The following RBFOX1 variants were observed in gnomAD, a reference collection of about 807,000 sequenced individuals.
The protein encoded by RBFOX1 is RNA binding protein fox-1 homolog 1.
In RBFOX1, 8 loss-of-function variants were observed where a neutral mutation model predicts 57.7. The observed-to-expected ratio is 0.14, with a 90% CI of 0.08 to 0.25. RBFOX1 has a LOEUF of 0.25. RBFOX1 is among the 10% of genes least tolerant of loss of function. RBFOX1 has a pLI of 1.00. For missense variants in RBFOX1, 611 were observed against 548.5 expected (o/e 1.11, Z -1.14); for synonymous variants, 326 against 222.4 (o/e 1.47, Z -4.15).
chr16:7,153,727 C>G (rs201272546), intron 4 of RBFOX1, among the ~76,000 whole-genome samples: 1 of 128,788 alleles, frequency 7.8e-6, no homozygotes, highest in African/African-American at 3.0e-5. Context: ...GACAGTGTCT[C>G]AAAAAAAAAA....
In RBFOX1 at chr16:5,894,822, C is replaced by A. The variant is rs188144579; in HGVS notation, c.351+27487C>A. Among the ~76,000 whole-genome samples, 859 of 152,092 alleles carry A rather than the reference C, an allele frequency of 5.6e-3. 11 individuals are homozygous for A. Among genetic ancestry groups the A allele is most frequent in the South Asian group, 6.0e-3 (29 of 4,806 alleles). On this transcript the variant is annotated intron_variant, in intron 4 of 19. Transcript: ENST00000641259. ...GGATCACGAGGTCAGGAGATCGAGACCATCTTGGCTAACACGGTGAAACCC... is the reference window on the plus strand; with the variant it reads ...GGATCACGAGGTCAGGAGATCGAGAACATCTTGGCTAACACGGTGAAACCC...
chr16:5,406,058 C>G (rs1596895196), intron 1 of RBFOX1, among the ~76,000 whole-genome samples: 1 of 152,326 alleles, frequency 6.6e-6, no homozygotes, highest in Admixed American at 6.5e-5. Context: ...AGTTCTCTTA[C>G]TTGCAACCAA....
At chr16:6,365,740 T>G (rs990383298) in intron 2 of RBFOX1, among the ~76,000 whole-genome samples, 2 of 152,306 alleles carry the variant, frequency 1.3e-5, no homozygotes, top group Admixed American at 1.3e-4. Context: ...CCATGTGCTT[T>G]TTAGCTTGAG....
At chr16:7,423,905 T>C (rs1463670517) in intron 4 of RBFOX1, among the ~76,000 whole-genome samples, 1 of 152,208 alleles carries the variant, frequency 6.6e-6, no homozygotes, top group African/African-American at 2.4e-5. Flanking sequence ...TCCATATGTC[T>C]GAAGGAAACC....
intron 2 of RBFOX1, among the ~76,000 whole-genome samples, chr16:5,497,152 C>T (rs558317305): frequency 1.3e-5 from 2 of 152,262 alleles, no homozygotes; most frequent in South Asian, 2.1e-4. Context: ...TTGACATTTC[C>T]ACCAGCTGGG....
At chr16:5,939,891 G>A (rs1444212516) in intron 4 of RBFOX1, among the ~76,000 whole-genome samples, 2 of 152,186 alleles carry the variant, frequency 1.3e-5, no homozygotes, top group Non-Finnish European at 2.9e-5. Context: ...ATGAAAGTGA[G>A]TAGGCTTCAC....
At chr16:7,119,132 T>C (rs1048258067) in intron 4 of RBFOX1, among the ~76,000 whole-genome samples, 6 of 152,116 alleles carry the variant, frequency 3.9e-5, no homozygotes, top group Admixed American at 3.9e-4. Context: ...GTATGTGTGC[T>C]CTTGATCTGA....
chr16:7,356,983 G>T (rs71374943), intron 4 of RBFOX1, among the ~76,000 whole-genome samples: 1 of 152,184 alleles, frequency 6.6e-6, no homozygotes, highest in South Asian at 2.1e-4. Flanking sequence ...TGAATGCTGA[G>T]GGCCCCTCTG....
intron 1 of RBFOX1, among the ~76,000 whole-genome samples, chr16:5,255,445 C>T (rs1050812517): frequency 3.3e-5 from 5 of 151,472 alleles, no homozygotes; most frequent in African/African-American, 1.2e-4. Flanking sequence ...TCTATCCATC[C>T]AATCCACTCT....
chr16:5,716,724 A>T (rs7196728), intron 3 of RBFOX1, among the ~76,000 whole-genome samples: 10,321 of 152,302 alleles, frequency 0.068, 1,171 homozygotes, highest in African/African-American at 0.23. Context: ...ATAGGTGTCC[A>T]TGTGTCTTTA....
chr16:6,529,217 T>C (rs529587741), intron 2 of RBFOX1, among the ~76,000 whole-genome samples: 2 of 152,276 alleles, frequency 1.3e-5, no homozygotes, highest in East Asian at 3.9e-4. Flanking sequence ...TGTAAACTAC[T>C]TTTCAAATAA....
chr16:6,038,981 C>G (rs1254814510), intron 1 of RBFOX1: 1 of 135,824 alleles, frequency 7.4e-6, no homozygotes, highest in Non-Finnish European at 1.5e-5. Flanking sequence ...AGCCAATGTC[C>G]TCTGCTCTCT....
At chr16:6,430,442 T>C (rs928488490) in intron 2 of RBFOX1, among the ~76,000 whole-genome samples, 1 of 152,200 alleles carries the variant, frequency 6.6e-6, no homozygotes, top group African/African-American at 2.4e-5. Context: ...GAAAAGATGA[T>C]GCCAGAGAAG....
At chr16:6,865,621 T>C (rs2059782804) in intron 3 of RBFOX1, among the ~76,000 whole-genome samples, 1 of 152,224 alleles carries the variant, frequency 6.6e-6, no homozygotes, top group African/African-American at 2.4e-5. Context: ...AATAAGATAC[T>C]ATGGACTGAG....
chr16:5,926,667 T>G (rs2058946972), intron 4 of RBFOX1, among the ~76,000 whole-genome samples: 1 of 152,212 alleles, frequency 6.6e-6, no homozygotes, highest in African/African-American at 2.4e-5. Context: ...GGTTTACAAA[T>G]TGGATTCTTA....
intron 2 of RBFOX1, among the ~76,000 whole-genome samples, chr16:5,542,677 T>G (rs550420438): frequency 8.8e-4 from 134 of 152,306 alleles, no homozygotes; most frequent in Non-Finnish European, 1.5e-3. Flanking sequence ...TAGAGATGCA[T>G]GGAGTTTTAG....
intron 3 of RBFOX1, among the ~76,000 whole-genome samples, chr16:7,038,077 A>T: frequency 6.6e-6 from 1 of 152,168 alleles, no homozygotes; most frequent in East Asian, 1.9e-4. Flanking sequence ...TAAATCCCCC[A>T]CTTGCCCTCC....
intron 14 of RBFOX1, among the ~76,000 whole-genome samples, chr16:7,681,099 T>C (rs2074615676): frequency 6.6e-6 from 1 of 152,206 alleles, no homozygotes; most frequent in Non-Finnish European, 1.5e-5. Context: ...TTTGTGTTTC[T>C]TAGAACCTAG....
intron 1 of RBFOX1, among the ~76,000 whole-genome samples, chr16:6,251,072 T>G (rs567189218): frequency 9.7e-4 from 147 of 152,148 alleles, no homozygotes; most frequent in Non-Finnish European, 1.3e-3. Context: ...GCAGTACCAC[T>G]TAATGAGAGC....
Sources: allele counts gnomAD v4.1 joint callset (sites outside exome capture counted in the v4.1 genomes callset), GRCh38; gene constraint gnomAD v4.1.1; transcripts MANE v1.5; gene names NCBI Gene and HGNC (gene_info 2026-07-23, HGNC 2026-07-21).